The following PALS1 variants were observed in gnomAD, a reference collection of about 807,000 sequenced individuals.
PALS1 encodes protein PALS1.
A neutral mutation model predicts 78.9 loss-of-function variants in PALS1; 31 were observed. The ratio of observed to expected loss-of-function variants is 0.39; its 90% CI spans 0.30 to 0.53. The LOEUF is 0.53. PALS1 is among the 20% of genes least tolerant of loss of function. The pLI, the probability that PALS1 is intolerant of heterozygous loss-of-function variation, is 0.67. For synonymous variants in PALS1, 276 were observed against 270.9 expected, an observed-to-expected ratio of 1.02 and a Z score of -0.18; for missense variants, 704 against 826.5, an observed-to-expected ratio of 0.85 and a Z score of 1.82.
intron 8 of PALS1, among the ~76,000 whole-genome samples, chr14:67,306,880 T>C (rs1001381467): frequency 6.6e-6 from 1 of 152,212 alleles, no homozygotes; most frequent in Non-Finnish European, 1.5e-5. Flanking sequence ...AACCAATTTA[T>C]TGAGTATCAT....
rs1017087554 is a variant in PALS1 at position 67,274,181 on chromosome 14, T to A, written c.-154+4398T>A. Among the ~76,000 whole-genome samples, 36 of 152,158 alleles carry A rather than the reference T, an allele frequency of 2.4e-4. 1 individual carries two copies. Among genetic ancestry groups the A allele is most frequent in the Non-Finnish European group, 1.3e-4 (9 of 68,022 alleles). On this transcript the variant is annotated intron_variant, in intron 2 of 14. Coordinates refer to ENST00000261681, the MANE Select transcript of PALS1 (RefSeq NM_022474.4). Reference sequence around the variant, plus strand: ...GTTGCCATTGCTTTTGGTGTTTTAGTCATGAAGTCCTTGCCCATGCCTATG... The same window carrying A: ...GTTGCCATTGCTTTTGGTGTTTTAGACATGAAGTCCTTGCCCATGCCTATG...
chr14:67,288,752 C>G (rs991545671), intron 3 of PALS1, among the ~76,000 whole-genome samples: 1 of 151,954 alleles, frequency 6.6e-6, no homozygotes, highest in African/African-American at 2.4e-5. Flanking sequence ...TTATATTCTT[C>G]CTATCTATTC....
chr14:67,305,286 A>G (rs950271636), intron 8 of PALS1, among the ~76,000 whole-genome samples: 3 of 146,990 alleles, frequency 2.0e-5, no homozygotes, highest in African/African-American at 7.5e-5. Flanking sequence ...AAGTTAAGAC[A>G]TTTTTTTTTT....
chr14:67,259,385 C>A (rs1052634919), intron 1 of PALS1, among the ~76,000 whole-genome samples: 1 of 151,774 alleles, frequency 6.6e-6, no homozygotes, highest in East Asian at 2.0e-4. Flanking sequence ...CCAAGGCAGG[C>A]GGATCACTTG....
chr14:67,300,918 CT>C, intron 4 of PALS1, among the ~76,000 whole-genome samples: 1 of 152,086 alleles, frequency 6.6e-6, no homozygotes, highest in South Asian at 2.1e-4. Context: ...TCTCAAACTC[CT>C]GGGCTTAAGC....
intron 2 of PALS1, chr14:67,270,767 G>A (rs2084395890): frequency 6.6e-6 from 1 of 152,056 alleles, no homozygotes; most frequent in South Asian, 2.1e-4. Flanking sequence ...TTTAATTCTG[G>A]AAGAACTTTA....
At position 67,276,394 on chromosome 14, in the gene PALS1, A is replaced by C. The variant is rs141899477; in HGVS notation, c.-153-2624A>C. On this transcript the variant is annotated intron_variant, in intron 2 of 14. Transcript: ENST00000261681. ...TCTGCCTGGAATAGACCTTTCTACT[A>C]TCTGGCTAATTTTTAGTTGCCCTTT... 2.1e-3 allele frequency among the ~76,000 whole-genome samples: 324 copies of C among 152,250 alleles called. 1 individual carries two copies. The highest frequency in any genetic ancestry group is 3.6e-3 in the Non-Finnish European group (248 of 68,010).
intron 1 of PALS1, among the ~76,000 whole-genome samples, chr14:67,242,388 C>A (rs1463284423): frequency 6.6e-6 from 1 of 152,096 alleles, no homozygotes; most frequent in Non-Finnish European, 1.5e-5. Context: ...GTCAGTTGAA[C>A]AAAAATTTTG....
rs36091817 is a variant in PALS1, at chr14:67,300,336, C to CTTTTTTTTTTTTTTTTTTTT, written c.577-1042_577-1041insTTTTTTTTTTTTTTTTTTTT. On this transcript the variant is annotated intron_variant, in intron 4 of 14. Transcript: ENST00000261681. Reference sequence around the variant, plus strand: ...ACTGGGTTCCTGTATTATGAATTACCTTTTTTTTTTTGAGAAAGTCTCATT... The same window carrying CTTTTTTTTTTTTTTTTTTTT: ...ACTGGGTTCCTGTATTATGAATTACCTTTTTTTTTTTTTTTTTTTTTTTTTTTTTTTGAGAAAGTCTCATT... Among the ~76,000 whole-genome samples, 367 of 139,006 alleles carry CTTTTTTTTTTTTTTTTTTTT rather than the reference C, an allele frequency of 2.6e-3. 12 individuals are homozygous for CTTTTTTTTTTTTTTTTTTTT. The highest frequency in any genetic ancestry group is 4.1e-3 in the Non-Finnish European group (267 of 64,968). The allele number at this position is 139,006 out of a possible 152,430, so 91.2% of individuals were successfully genotyped here. A position where few individuals can be genotyped will look rare whatever the true frequency, so the allele number is the denominator to read the frequency against.
chr14:67,243,489 A>AT (rs55985752), intron 1 of PALS1, among the ~76,000 whole-genome samples: 17,486 of 100,310 alleles, frequency 0.17, 1,916 homozygotes, highest in Non-Finnish European at 0.21. Flanking sequence ...CCAGAATATA[A>AT]TTTTTTTTTT....
intron 1 of PALS1, among the ~76,000 whole-genome samples, chr14:67,254,534 G>A (rs1202682504): frequency 6.6e-6 from 1 of 152,078 alleles, no homozygotes; most frequent in East Asian, 1.9e-4. Flanking sequence ...ATTCTCATTA[G>A]CCTTCCTTTC....
chr14:67,286,237 A>G (rs1193707510), intron 3 of PALS1, among the ~76,000 whole-genome samples: 1 of 152,130 alleles, frequency 6.6e-6, no homozygotes, highest in Non-Finnish European at 1.5e-5. Flanking sequence ...CCTAGCACAT[A>G]TATCAGTCTT....
chr14:67,316,442 T>C (rs1031861705), intron 9 of PALS1, among the ~76,000 whole-genome samples: 6 of 152,186 alleles, frequency 3.9e-5, no homozygotes, highest in African/African-American at 1.4e-4. Flanking sequence ...TGCGCACATG[T>C]TGTTTTGGAA....
chr14:67,320,822 A>G (rs1352502937), intron 12 of PALS1, among the ~76,000 whole-genome samples: 5 of 152,078 alleles, frequency 3.3e-5, no homozygotes, highest in Non-Finnish European at 7.3e-5. Context: ...AAGTGTAAGC[A>G]TAAAATGTAT....
intron 14 of PALS1, among the ~76,000 whole-genome samples, chr14:67,325,979 CTTTTTTTTT>C (rs61592505): frequency 1.8e-5 from 2 of 110,222 alleles, no homozygotes; most frequent in Non-Finnish European, 3.5e-5. Flanking sequence ...CGGCTCTTTT[CTTTTTTTTT>C]TTTTTTTTTT....
Position 67,289,768 on chromosome 14 carries a change from C to CTTTTTTTTTTTTTTTTTTTTTT in PALS1, c.368-2743_368-2742insTTTTTTTTTTTTTTTTTTTTTT, listed in dbSNP as rs1491090879. Among the ~76,000 whole-genome samples the CTTTTTTTTTTTTTTTTTTTTTT allele has an allele frequency of 4.2e-5, 4 of 95,508 alleles. 2 individuals are homozygous for CTTTTTTTTTTTTTTTTTTTTTT. The highest frequency in any genetic ancestry group is 6.9e-4 in the South Asian group (2 of 2,912). 62.7% of individuals were successfully genotyped at this position (95,508 alleles called of 152,430 possible). A position where few individuals can be genotyped will look rare whatever the true frequency, so the allele number is the denominator to read the frequency against. On this transcript the variant is annotated intron_variant, in intron 3 of 14. Coordinates refer to ENST00000261681, the MANE Select transcript of PALS1 (RefSeq NM_022474.4). Reference sequence around the variant, plus strand: ...ACATTGGGAAGATTTTTTTCCATGTCCTTTTTTTTTTTTTTTTTTTTTGAG... The same window carrying CTTTTTTTTTTTTTTTTTTTTTT: ...ACATTGGGAAGATTTTTTTCCATGTCTTTTTTTTTTTTTTTTTTTTTTCTTTTTTTTTTTTTTTTTTTTTGAG...
chr14:67,334,816 T>TA lies in PALS1; in HGVS notation c.*1862dup, dbSNP rs1350841540. The TA allele has an allele frequency of 2.0e-5, 3 of 152,242 alleles. No homozygotes were observed. The East Asian group carries it at 5.8e-4, about 29-fold the overall frequency. The allele number at this position is 152,242 out of a possible 1,614,324, so 9.4% of individuals were successfully genotyped here. The stretch of plus-strand genomic sequence containing the variant: ...CTAAGGAATATACTTAGCACTTACT[T>TA]AATCTTTTCAGTTTTCCAGTTTACG... On this transcript the variant is annotated 3_prime_UTR_variant, in exon 15 of 15. Coordinates refer to ENST00000261681, the MANE Select transcript of PALS1 (RefSeq NM_022474.4).
chr14:67,253,958 G>T (rs28669280), intron 1 of PALS1, among the ~76,000 whole-genome samples: 19,015 of 142,360 alleles, frequency 0.13, 2,484 homozygotes, highest in East Asian at 0.4. Context: ...TTAATATTTT[G>T]TTTTGTTTTT....
intron 3 of PALS1, among the ~76,000 whole-genome samples, chr14:67,288,458 G>A (rs550258232): frequency 2.5e-4 from 38 of 152,244 alleles, no homozygotes; most frequent in African/African-American, 7.9e-4. Flanking sequence ...TTGGGTGGAC[G>A]AGGCAGGAAG....
Sources: gnomAD v4.1 joint callset for allele counts (sites outside exome capture counted in the v4.1 genomes callset) on GRCh38, gnomAD v4.1.1 for gene constraint, MANE v1.5 for transcripts, NCBI Gene and HGNC (gene_info 2026-07-23, HGNC 2026-07-21) for gene names.